The following ADAMTS17 variants were observed in gnomAD, a reference collection of about 807,000 sequenced individuals.
The protein encoded by ADAMTS17 is A disintegrin and metalloproteinase with thrombospondin motifs 17.
A neutral mutation model predicts 141.5 loss-of-function variants in ADAMTS17; 113 were observed. The observed-to-expected ratio is 0.80, with a 90% CI of 0.69 to 0.93. ADAMTS17 has a LOEUF of 0.93. ADAMTS17 is among the 40% of genes least tolerant of loss of function. The pLI, the probability that ADAMTS17 is intolerant of heterozygous loss-of-function variation, is 0.00. For missense variants in ADAMTS17, 1,659 were observed against 1,517.9 expected (o/e 1.09, Z -1.54); for synonymous variants, 768 against 630.6 (o/e 1.22, Z -3.27).
intron 15 of ADAMTS17, among the ~76,000 whole-genome samples, chr15:100,072,335 G>T (rs200075012): frequency 0.89 from 128,786 of 145,466 alleles, 59,775 homozygotes; most frequent in East Asian, 1. Flanking sequence ...TACTGCCCAA[G>T]GTAATTTATA....
intron 8 of ADAMTS17, among the ~76,000 whole-genome samples, chr15:100,176,438 C>T (rs564015040): frequency 7.9e-5 from 12 of 152,288 alleles, no homozygotes; most frequent in South Asian, 2.1e-4. Flanking sequence ...CGAAGTGTGA[C>T]CCGGACATCT....
intron 3 of ADAMTS17, among the ~76,000 whole-genome samples, chr15:100,296,124 T>C (rs2044800392): frequency 6.6e-6 from 1 of 152,084 alleles, no homozygotes; most frequent in African/African-American, 2.4e-5. Flanking sequence ...GTGGGAAACG[T>C]ACTCGAGAAG....
At chr15:100,151,940 C>T (rs35906912) in intron 10 of ADAMTS17, among the ~76,000 whole-genome samples, 15 of 152,222 alleles carry the variant, frequency 9.9e-5, no homozygotes, top group Non-Finnish European at 1.9e-4. Context: ...TTCAAATCCT[C>T]GCTCTACTAC....
At chr15:100,325,747 G>A (rs2045880619) in intron 3 of ADAMTS17, among the ~76,000 whole-genome samples, 1 of 152,116 alleles carries the variant, frequency 6.6e-6, no homozygotes. Context: ...AACAGACACT[G>A]ACACTATGCT....
chr15:100,310,406 T>G (rs1948689326), intron 3 of ADAMTS17, among the ~76,000 whole-genome samples: 2 of 152,232 alleles, frequency 1.3e-5, no homozygotes, highest in Admixed American at 1.3e-4. Context: ...CTTTAAATAT[T>G]GACACAAAGA....
chr15:100,340,372 T>C (rs2046327257), intron 2 of ADAMTS17, among the ~76,000 whole-genome samples: 1 of 152,272 alleles, frequency 6.6e-6, no homozygotes, highest in East Asian at 1.9e-4. Flanking sequence ...GGGGCAGGAA[T>C]AGGGTTTATC....
intron 18 of ADAMTS17, among the ~76,000 whole-genome samples, chr15:100,041,871 G>C (rs964422146): frequency 6.6e-6 from 1 of 152,138 alleles, no homozygotes; most frequent in African/African-American, 2.4e-5. Context: ...AGGGAGATCA[G>C]GAGAAATAAA....
At chr15:100,177,779 G>A (rs2040388105) in intron 8 of ADAMTS17, among the ~76,000 whole-genome samples, 3 of 152,218 alleles carry the variant, frequency 2.0e-5, no homozygotes, top group Middle Eastern at 3.4e-3. Context: ...AGCTATAATT[G>A]TGGATTCATC....
At chr15:100,240,638 C>T (rs953867088) in intron 7 of ADAMTS17, among the ~76,000 whole-genome samples, 1 of 152,172 alleles carries the variant, frequency 6.6e-6, no homozygotes, top group Non-Finnish European at 1.5e-5. Flanking sequence ...CCAGCAGTTC[C>T]CCCACAGCTG....
intron 20 of ADAMTS17, among the ~76,000 whole-genome samples, chr15:99,977,360 A>T (rs2060361073): frequency 2.8e-4 from 1 of 3,616 alleles, no homozygotes; most frequent in African/African-American, 1.7e-3. Flanking sequence ...ATATATATAT[A>T]TATATATATA....
chr15:100,281,775 C>T (rs1403028374), intron 3 of ADAMTS17, among the ~76,000 whole-genome samples: 1 of 152,158 alleles, frequency 6.6e-6, no homozygotes, highest in Non-Finnish European at 1.5e-5. Context: ...TCTGAAAGGC[C>T]ACACCCAAGG....
intron 18 of ADAMTS17, among the ~76,000 whole-genome samples, chr15:100,025,825 G>C (rs1439830690): frequency 6.6e-6 from 1 of 151,852 alleles, no homozygotes; most frequent in Admixed American, 6.6e-5. Flanking sequence ...ATATTTTATT[G>C]TGTTTTCTGT....
chr15:100,127,100 A>G (rs1024464610), intron 12 of ADAMTS17, among the ~76,000 whole-genome samples: 2 of 152,162 alleles, frequency 1.3e-5, no homozygotes, highest in South Asian at 2.1e-4. Flanking sequence ...TGGGGTTAGA[A>G]TGCTGTGGCC....
intron 8 of ADAMTS17, among the ~76,000 whole-genome samples, chr15:100,165,383 C>A (rs1028849453): frequency 6.6e-6 from 1 of 152,184 alleles, no homozygotes; most frequent in South Asian, 2.1e-4. Context: ...ATACCCACAG[C>A]GTGCCTCCCC....
At chr15:100,203,569 G>A (rs987977007) in intron 7 of ADAMTS17, among the ~76,000 whole-genome samples, 2 of 152,348 alleles carry the variant, frequency 1.3e-5, no homozygotes, top group Admixed American at 6.5e-5. Context: ...GCCGGGTGTG[G>A]TGGCAGGTGC....
intron 7 of ADAMTS17, among the ~76,000 whole-genome samples, chr15:100,221,195 A>T (rs561509095): frequency 6.6e-6 from 1 of 152,222 alleles, no homozygotes; most frequent in Non-Finnish European, 1.5e-5. Context: ...CTTCTCAATT[A>T]AATAACACAA....
intron 15 of ADAMTS17, among the ~76,000 whole-genome samples, chr15:100,078,223 T>A (rs2034509361): frequency 6.6e-6 from 1 of 152,086 alleles, no homozygotes; most frequent in South Asian, 2.1e-4. Context: ...AGCTTTTTTT[T>A]TTTTTTGCGA....
rs1245079067 is a variant in ADAMTS17, at chr15:99,997,864, T to C, written c.2592-275A>G. 1.3e-5 allele frequency among the ~76,000 whole-genome samples: 2 copies of C among 152,146 alleles called. No homozygotes were observed. Among genetic ancestry groups the C allele is most frequent in the Non-Finnish European group, 2.9e-5 (2 of 68,026 alleles). On this transcript the variant is annotated intron_variant, in intron 18 of 21. Coordinates refer to ENST00000268070, the MANE Select transcript of ADAMTS17 (RefSeq NM_139057.4). The surrounding 1 kb of genome is among the most constrained non-coding windows in gnomAD (Gnocchi z 4.7). ...GAATTATCTGGTCACGGCCTCCCTG[T>C]AGGGAATTACGTATCTGCTTGTCGT...
At chr15:100,134,250 CACTT>C (rs2038210492) in intron 10 of ADAMTS17, among the ~76,000 whole-genome samples, 2 of 152,236 alleles carry the variant, frequency 1.3e-5, no homozygotes, top group Admixed American at 1.3e-4. Context: ...CGACAGCAGT[CACTT>C]ACTCAGGATT....
Sources: gnomAD v4.1 joint callset for allele counts (sites outside exome capture counted in the v4.1 genomes callset) on GRCh38, gnomAD v4.1.1 for gene constraint, Gnocchi (gnomAD v3.1) non-coding constraint, MANE v1.5 for transcripts, NCBI Gene and HGNC (gene_info 2026-07-23, HGNC 2026-07-21) for gene names.